The following TMEM14C variants were observed in gnomAD, a reference collection of about 807,000 sequenced individuals.
TMEM14C encodes the protein transmembrane protein 14C.
Under a neutral mutation model 14.8 loss-of-function variants are expected in TMEM14C, and 13 were observed. The observed-to-expected ratio is 0.88, with a 90% confidence interval of 0.57 to 1.40. TMEM14C has a LOEUF of 1.40. Among genes scored for constraint, TMEM14C ranks in the 40% most tolerant of loss-of-function variants. TMEM14C has a pLI of 0.00. For missense variants in TMEM14C, 142 were observed against 138.8 expected (o/e 1.02, Z -0.12); for synonymous variants, 57 against 51.3 (o/e 1.11, Z -0.48).
intron 1 of TMEM14C, chr6:10,724,327 A>G (rs3756954): frequency 0.71 from 296,979 of 416,376 alleles, 107,909 homozygotes; most frequent in African/African-American, 0.94. Context: ...TATGTGATTA[A>G]AACTGAGGTT....
At chr6:10,728,153 G>A (rs1182361338) in intron 4 of TMEM14C, among the ~76,000 whole-genome samples, 1 of 152,062 alleles carries the variant, frequency 6.6e-6, no homozygotes, top group African/African-American at 2.4e-5. Context: ...CTTTTTATTC[G>A]TGTGAGTCTT....
rs1345197204 is a variant in TMEM14C at position 10,730,617 on chromosome 6, T to A, written c.290T>A (p.Leu97Ter). 28 of 1,612,654 alleles carry A rather than the reference T, an allele frequency of 1.7e-5. No homozygotes were observed. Among genetic ancestry groups the A allele is most frequent in the Non-Finnish European group, 2.4e-5 (28 of 1,179,144 alleles). Residue 97 changes from leucine to a stop codon, truncating the protein, a stop_gained and splice_region_variant, in exon 6 of 6, where the codon TTG (leucine) becomes TAG (stop). Coordinates refer to ENST00000229563, the MANE Select transcript of TMEM14C (RefSeq NM_016462.4). LOFTEE classifies it high-confidence loss of function. ...MPAGLIAGAS[L>*]LMVAKVGVSM... Reference sequence around the variant, plus strand: ...TCTATCTTGTTTCTTTTAAACAGTTTGCTGATGGTCGCCAAAGTTGGAGTT... The same window carrying A: ...TCTATCTTGTTTCTTTTAAACAGTTAGCTGATGGTCGCCAAAGTTGGAGTT...
chr6:10,730,523 A>ACTGC, intron 5 of TMEM14C, 92 bp from the exon 6 acceptor site: 1 of 1,245,338 alleles, frequency 8.0e-7, no homozygotes, highest in South Asian at 1.4e-5. Context: ...TCCCCCACGC[A>ACTGC]GTTGTGAGGA....
chr6:10,723,667 A>G (rs1381400376), intron 1 of TMEM14C, among the ~76,000 whole-genome samples: 2 of 146,128 alleles, frequency 1.4e-5, no homozygotes, highest in Admixed American at 6.9e-5. Context: ...TTGCCTGAAT[A>G]TGTCTCATTG....
At chr6:10,725,102 C>T (rs1011953453) in intron 3 of TMEM14C, 65 bp downstream of exon 3, 30 of 1,588,818 alleles carry the variant, frequency 1.9e-5, no homozygotes, top group African/African-American at 4.0e-5. Context: ...TGTGAATGCC[C>T]GTGTCCCTGA....
chr6:10,726,105 C>A, intron 4 of TMEM14C, 97 bp downstream of exon 4: 2 of 1,344,840 alleles, frequency 1.5e-6, no homozygotes, highest in East Asian at 2.3e-5. Flanking sequence ...GTTCTTCACA[C>A]TTCACTTACG....
At position 10,730,880 on chromosome 6, in the gene TMEM14C, C is replaced by T. The variant is rs1771004623; in HGVS notation, c.*214C>T. ...TAACACAAGAGCTTAATAAGACCCT[C>T]ATAGAGCTTGATTCTTGTATATTGA... is the stretch of plus-strand genomic sequence containing the variant. On this transcript the variant is annotated 3_prime_UTR_variant, in exon 6 of 6. Transcript: ENST00000229563. 2 of 1,223,026 alleles carry T rather than the reference C, an allele frequency of 1.6e-6. No individual in the cohort carries two copies. The highest frequency in any genetic ancestry group is 2.0e-6 in the Non-Finnish European group (2 of 976,658). 75.8% of individuals were successfully genotyped at this position (1,223,026 alleles called of 1,614,324 possible). A position where few individuals can be genotyped will look rare whatever the true frequency, so the allele number is the denominator to read the frequency against.
chr6:10,729,128 T>C (rs1258278774), intron 5 of TMEM14C, among the ~76,000 whole-genome samples: 1 of 152,166 alleles, frequency 6.6e-6, no homozygotes, highest in East Asian at 1.9e-4. Flanking sequence ...AATCCTGTTT[T>C]CTATTTTTTG....
In TMEM14C at chr6:10,728,744, A is replaced by T. The variant is rs777258982; in HGVS notation, c.287+17A>T. Reference sequence around the variant, plus strand: ...AGGTGCCAGGTACTTTCATTCTATTACTCTTCTTTACCATGTAGAGTTCAG... The same window carrying T: ...AGGTGCCAGGTACTTTCATTCTATTTCTCTTCTTTACCATGTAGAGTTCAG... On this transcript the variant is annotated intron_variant, in intron 5 of 5. Transcript: ENST00000229563. The T allele has an allele frequency of 1.4e-5, 22 of 1,613,764 alleles. No homozygotes were observed. Among genetic ancestry groups the T allele is most frequent in the Non-Finnish European group, 1.8e-5 (21 of 1,180,000 alleles).
intron 3 of TMEM14C, 103 bp downstream of exon 3, chr6:10,725,140 C>A: frequency 7.1e-7 from 1 of 1,403,006 alleles, no homozygotes; most frequent in Non-Finnish European, 1.0e-6. Context: ...GTCAGGTTTG[C>A]TGTGGGTCCC....
chr6:10,723,556 A>G (rs933251268), intron 1 of TMEM14C, among the ~76,000 whole-genome samples: 34 of 150,674 alleles, frequency 2.3e-4, no homozygotes, highest in Admixed American at 2.0e-3. Context: ...GCAAGATCCC[A>G]AGCCCGCTGC....
In TMEM14C at chr6:10,725,956, C is replaced by A; in HGVS notation, c.147C>A (p.Gly49=). The A allele has an allele frequency of 6.2e-7, 1 of 1,614,108 alleles. No homozygotes were observed. Among genetic ancestry groups the A allele is most frequent in the South Asian group, 1.1e-5 (1 of 91,082 alleles). The change falls in exon 4 of 6, where the codon GGC becomes GGA. Residue 49 remains glycine (G), a synonymous_variant. Coordinates refer to ENST00000229563, the MANE Select transcript of TMEM14C (RefSeq NM_016462.4). Reference sequence around the variant, plus strand: ...GGCTGCTCTTTGGCAGTCTAGCCGGCCTGGGTGCTTACCAGCTGTCTCAGG... The same window carrying A: ...GGCTGCTCTTTGGCAGTCTAGCCGGACTGGGTGCTTACCAGCTGTCTCAGG... ...AAGLLFGSLA[G]LGAYQLSQDP... is the part of the protein sequence containing the mutation.
At chr6:10,729,162 CACTCTGTCACCCAGG>C (rs561205148) in intron 5 of TMEM14C, among the ~76,000 whole-genome samples, 204 of 152,274 alleles carry the variant, frequency 1.3e-3, no homozygotes, top group African/African-American at 4.7e-3. Context: ...GACGGAGTAT[CACTCTGTCACCCAGG>C]ATGGAGTGCA....
intron 1 of TMEM14C, 107 bp from the exon 2 acceptor site, chr6:10,724,463 A>T: frequency 8.4e-6 from 6 of 712,254 alleles, no homozygotes; most frequent in Non-Finnish European, 1.5e-5. Flanking sequence ...TGGTACAGTG[A>T]AGAATACTGA....
chr6:10,727,966 CT>C (rs1770917900), intron 4 of TMEM14C, among the ~76,000 whole-genome samples: 6 of 152,234 alleles, frequency 3.9e-5, no homozygotes, highest in Admixed American at 3.9e-4. Context: ...TACTCACAAA[CT>C]GCATCTTGAC....
At chr6:10,730,378 C>T (rs1211921059) in intron 5 of TMEM14C, among the ~76,000 whole-genome samples, 3 of 152,140 alleles carry the variant, frequency 2.0e-5, no homozygotes, top group Non-Finnish European at 4.4e-5. Context: ...TCCATTTCTT[C>T]ATCTCTTCAA....
intron 5 of TMEM14C, 28 bp from the exon 6 acceptor site, chr6:10,730,587 C>T (rs769854954): frequency 1.2e-6 from 2 of 1,608,896 alleles, no homozygotes; most frequent in East Asian, 2.2e-5. Flanking sequence ...CTTTACCTGA[C>T]ATTTTCTATC....
chr6:10,724,053 C>T (rs558097282), intron 1 of TMEM14C, among the ~76,000 whole-genome samples: 4 of 152,232 alleles, frequency 2.6e-5, no homozygotes, highest in East Asian at 1.9e-4. Context: ...ATATTTTATC[C>T]TCTCCTACTA....
intron 4 of TMEM14C, among the ~76,000 whole-genome samples, chr6:10,727,970 A>G (rs1016871296): frequency 1.4e-4 from 22 of 152,278 alleles, no homozygotes; most frequent in African/African-American, 5.3e-4. Flanking sequence ...CACAAACTGC[A>G]TCTTGACTTC....
Sources: allele counts gnomAD v4.1 joint callset (sites outside exome capture counted in the v4.1 genomes callset), GRCh38; gene constraint gnomAD v4.1.1; transcripts MANE v1.5; gene names NCBI Gene and HGNC (gene_info 2026-07-23, HGNC 2026-07-21).